The following GPR158 variants were observed in gnomAD, a reference collection of about 807,000 sequenced individuals.
GPR158 encodes the protein G protein-coupled receptor 158.
GPR158 carries 30 observed loss-of-function variants against 78.2 expected under a neutral mutation model. The observed-to-expected ratio is 0.38, with a 90% CI of 0.29 to 0.52. GPR158 has a LOEUF of 0.52. GPR158 is among the 20% of genes least tolerant of loss of function. GPR158 has a pLI of 0.83. For synonymous variants in GPR158, 581 were observed against 591.1 expected, an observed-to-expected ratio of 0.98 and a Z score of 0.25; for missense variants, 1,463 against 1,523.5, an observed-to-expected ratio of 0.96 and a Z score of 0.66.
At chr10:25,550,112 C>T (rs1477823844) in intron 5 of GPR158, among the ~76,000 whole-genome samples, 1 of 152,152 alleles carries the variant, frequency 6.6e-6, no homozygotes, top group African/African-American at 2.4e-5. Flanking sequence ...GAGTGTCTTG[C>T]ACGTTATCTG....
intron 2 of GPR158, among the ~76,000 whole-genome samples, chr10:25,373,124 A>G (rs1191561339): frequency 1.3e-5 from 2 of 151,944 alleles, no homozygotes; most frequent in Non-Finnish European, 2.9e-5. Flanking sequence ...CAGCCATAAA[A>G]TAGGAGATCC....
chr10:25,396,471 G>T (rs536621245), intron 3 of GPR158, among the ~76,000 whole-genome samples: 3 of 152,236 alleles, frequency 2.0e-5, no homozygotes, highest in Admixed American at 6.5e-5. Context: ...GTCTGGGTTA[G>T]CTGGGTCCTA....
intron 2 of GPR158, among the ~76,000 whole-genome samples, chr10:25,250,638 AATC>A (rs1210828719): frequency 1.3e-5 from 2 of 149,590 alleles, no homozygotes; most frequent in Non-Finnish European, 3.0e-5. Context: ...TGAGATTCTT[AATC>A]CTGAGTTCTA....
chr10:25,335,222 C>T (rs1440606148), intron 2 of GPR158, among the ~76,000 whole-genome samples: 1 of 151,972 alleles, frequency 6.6e-6, no homozygotes, highest in East Asian at 1.9e-4. Context: ...TTTCTTTTGG[C>T]ATAAATACAA....
intron 2 of GPR158, among the ~76,000 whole-genome samples, chr10:25,318,094 T>G (rs1854886701): frequency 6.6e-6 from 1 of 152,166 alleles, no homozygotes; most frequent in Non-Finnish European, 1.5e-5. Context: ...TTGTGAGATT[T>G]CTAGTTCAAG....
At chr10:25,549,390 C>T (rs1031337695) in intron 5 of GPR158, among the ~76,000 whole-genome samples, 1 of 152,012 alleles carries the variant, frequency 6.6e-6, no homozygotes, top group African/African-American at 2.4e-5. Flanking sequence ...CTGAAATACC[C>T]GAGCTCAAAC....
intron 5 of GPR158, among the ~76,000 whole-genome samples, chr10:25,496,335 T>A (rs1835880119): frequency 6.6e-6 from 1 of 152,132 alleles, no homozygotes; most frequent in African/African-American, 2.4e-5. Flanking sequence ...TGCTGTCTTT[T>A]AACATGAGAA....
intron 2 of GPR158, among the ~76,000 whole-genome samples, chr10:25,239,092 A>G (rs1395120815): frequency 6.6e-6 from 1 of 152,164 alleles, no homozygotes; most frequent in African/African-American, 2.4e-5. Flanking sequence ...TGGAGAGTAC[A>G]TGGAGTGAAG....
chr10:25,372,473 G>A (rs1164025151), intron 2 of GPR158, among the ~76,000 whole-genome samples: 1 of 144,200 alleles, frequency 6.9e-6, no homozygotes, highest in African/African-American at 2.6e-5. Flanking sequence ...GTCCAACAAT[G>A]ATAGACTGGA....
intron 3 of GPR158, among the ~76,000 whole-genome samples, chr10:25,404,748 A>G (rs11014528): frequency 0.097 from 14,735 of 152,184 alleles, 767 homozygotes; most frequent in East Asian, 0.17. Flanking sequence ...TTCACATACC[A>G]TATAGATTTG....
intron 2 of GPR158, among the ~76,000 whole-genome samples, chr10:25,227,483 G>A (rs1853389536): frequency 6.6e-6 from 1 of 152,148 alleles, no homozygotes; most frequent in African/African-American, 2.4e-5. Context: ...ACCCAGTTCT[G>A]ACTTTAGTCT....
chr10:25,397,562 T>C lies in GPR158; in HGVS notation c.1111+1549T>C, dbSNP rs562613411. Among the ~76,000 whole-genome samples the C allele has an allele frequency of 1.1e-4, 16 of 152,372 alleles. No homozygotes were observed. The South Asian group carries it at 3.3e-3, about 32-fold the overall frequency. On this transcript the variant is annotated intron_variant, in intron 3 of 10. Transcript: ENST00000376351. ...CTCTGGGAATTTTGGTAGACATTTATAGATTTTTATACAGTTCTTTTTCTC... is the reference window on the plus strand; with the variant it reads ...CTCTGGGAATTTTGGTAGACATTTACAGATTTTTATACAGTTCTTTTTCTC...
chr10:25,581,258 A>G (rs1189127125), intron 7 of GPR158, among the ~76,000 whole-genome samples: 1 of 152,064 alleles, frequency 6.6e-6, no homozygotes, highest in Non-Finnish European at 1.5e-5. Context: ...TTTATGAGAG[A>G]CAGACTTGCT....
intron 2 of GPR158, among the ~76,000 whole-genome samples, chr10:25,369,139 C>G (rs1462729355): frequency 6.6e-6 from 1 of 151,618 alleles, no homozygotes; most frequent in Non-Finnish European, 1.5e-5. Context: ...TTCCTCTTTT[C>G]CTAATTGAAT....
chr10:25,254,564 G>GT (rs1853867354), intron 2 of GPR158, among the ~76,000 whole-genome samples: 1 of 152,034 alleles, frequency 6.6e-6, no homozygotes, highest in African/African-American at 2.4e-5. Flanking sequence ...GGATCACTAA[G>GT]TTATGAAATA....
rs369060299 is a variant in GPR158, at chr10:25,178,432, CA to C, written c.902+2111del. On this transcript the variant is annotated intron_variant, in intron 1 of 10. Transcript: ENST00000376351. ...CATTTTCAGAATTATCTCTCTTAAT[CA>C]TATGGATCAGAAAGCATAGGTTGCC... 1.2e-4 allele frequency among the ~76,000 whole-genome samples: 19 copies of C among 152,298 alleles called. No homozygotes were observed. The East Asian group carries it at 2.5e-3, about 20-fold the overall frequency.
At chr10:25,546,543 A>G (rs775189916) in intron 5 of GPR158, among the ~76,000 whole-genome samples, 1 of 152,156 alleles carries the variant, frequency 6.6e-6, no homozygotes, top group African/African-American at 2.4e-5. Flanking sequence ...CTGTATCTCC[A>G]TGAATGAATG....
chr10:25,466,925 T>C (rs1277362516), intron 5 of GPR158, among the ~76,000 whole-genome samples: 1 of 152,166 alleles, frequency 6.6e-6, no homozygotes, highest in African/African-American at 2.4e-5. Context: ...AAGGAAGTTG[T>C]TGATTAAAAG....
At chr10:25,213,549 A>T (rs888693056) in intron 1 of GPR158, among the ~76,000 whole-genome samples, 1 of 152,112 alleles carries the variant, frequency 6.6e-6, no homozygotes, top group Admixed American at 6.6e-5. Context: ...TTAAATCTAC[A>T]TGCATAGTTA....
Sources: gnomAD v4.1 joint callset for allele counts (sites outside exome capture counted in the v4.1 genomes callset) on GRCh38, gnomAD v4.1.1 for gene constraint, MANE v1.5 for transcripts, NCBI Gene and HGNC (gene_info 2026-07-23, HGNC 2026-07-21) for gene names.